The following SPTBN2 variants were observed in gnomAD, a reference collection of about 807,000 sequenced individuals.
The protein encoded by SPTBN2 is spectrin beta chain, non-erythrocytic 2.
A neutral mutation model predicts 284.2 loss-of-function variants in SPTBN2; 107 were observed. The observed-to-expected ratio is 0.38, with a 90% CI of 0.32 to 0.44. The LOEUF (loss-of-function observed/expected upper bound fraction) is 0.44, where lower values mean the gene tolerates loss of function less well. Ranked by LOEUF, SPTBN2 falls within the 20% of genes least tolerant of loss-of-function variation. The pLI, the probability that SPTBN2 is intolerant of heterozygous loss-of-function variation, is 1.00. For missense variants in SPTBN2, 2,569 were observed against 3,287.1 expected (o/e 0.78, Z 5.34); for synonymous variants, 1,289 against 1,354.8 (o/e 0.95, Z 1.07).
chr11:66,740,069 A>G (rs1263021216), intron 1 of SPTBN2, among the ~76,000 whole-genome samples: 1 of 152,168 alleles, frequency 6.6e-6, no homozygotes, highest in Non-Finnish European at 1.5e-5. Context: ...CCACTTTGTG[A>G]TGTAGATTTT....
chr11:66,710,002 G>A lies in SPTBN2; in HGVS notation c.1073+580C>T, dbSNP rs143225687. Among the ~76,000 whole-genome samples, 41 of 152,318 alleles carry A rather than the reference G, an allele frequency of 2.7e-4. No homozygotes were observed. The highest frequency in any genetic ancestry group is 9.9e-4 in the African/African-American group (41 of 41,576). On this transcript the variant is annotated intron_variant, in intron 10 of 37. Transcript: ENST00000533211. This position sits in a 1 kb window ranked among gnomAD's most constrained non-coding sequence, Gnocchi z 4.9. ...ACCTGATCAGTAATCTTATCTGATG[G>A]ATCGCACTGACTCAACACATCATAG...
intron 17 of SPTBN2, among the ~76,000 whole-genome samples, chr11:66,699,901 A>G (rs1201859680): frequency 1.3e-5 from 2 of 152,170 alleles, no homozygotes; most frequent in African/African-American, 4.8e-5. Context: ...TATTTCTTCT[A>G]AAGTCAGTTT....
chr11:66,722,103 C>T (rs754274600), intron 1 of SPTBN2, among the ~76,000 whole-genome samples: 5 of 152,166 alleles, frequency 3.3e-5, no homozygotes, highest in Non-Finnish European at 7.3e-5. Context: ...CAAAGGAGGA[C>T]ACAGTATGCT....
At chr11:66,709,476 C>A (rs1706070889) in intron 10 of SPTBN2, among the ~76,000 whole-genome samples, 1 of 152,224 alleles carries the variant, frequency 6.6e-6, no homozygotes, top group South Asian at 2.1e-4. Context: ...CGGTGCCCAG[C>A]CAAAATAATT....
At chr11:66,720,467 C>A (rs907932741) in intron 3 of SPTBN2, among the ~76,000 whole-genome samples, 1 of 152,174 alleles carries the variant, frequency 6.6e-6, no homozygotes, top group Non-Finnish European at 1.5e-5. Flanking sequence ...GACGAGTTTC[C>A]GCTCAGAGCG....
intron 1 of SPTBN2, among the ~76,000 whole-genome samples, chr11:66,727,336 G>A (rs1849489049): frequency 6.6e-6 from 1 of 152,224 alleles, no homozygotes; most frequent in African/African-American, 2.4e-5. Context: ...CGTTGGAACT[G>A]TGGCTGCTCC....
In SPTBN2 at chr11:66,687,910, C is replaced by T; in HGVS notation, c.6459G>A (p.Leu2153=). 2 of 1,614,178 alleles carry T rather than the reference C, an allele frequency of 1.2e-6. No individual in the cohort carries two copies. The highest frequency in any genetic ancestry group is 1.7e-6 in the Non-Finnish European group (2 of 1,180,036). Residue 2153 remains leucine (L), a synonymous_variant, in exon 34 of 38, where the codon CTG becomes CTA. Transcript: ENST00000533211. The surrounding 1 kb of genome is among the most constrained non-coding windows in gnomAD (Gnocchi z 5.2). Reference sequence around the variant, plus strand: ...TGCTGTGCTCAAGTCTCTGTTGTCCCAGCAGGGGCTGCAAGGACAAGAATC... The same window carrying T: ...TGCTGTGCTCAAGTCTCTGTTGTCCTAGCAGGGGCTGCAAGGACAAGAATC... ...CTDGEPSQPL[L]GQQRLEHSSF...
In SPTBN2 at chr11:66,718,939, C is replaced by T. The variant is rs777120694; in HGVS notation, c.157+2145G>A. Among the ~76,000 whole-genome samples, 10 of 152,200 alleles carry T rather than the reference C, an allele frequency of 6.6e-5. No individual in the cohort carries two copies. The highest frequency in any genetic ancestry group is 1.0e-4 in the Non-Finnish European group (7 of 68,024). ...GGCCCTGCGGGGCGGCGGAGGAGGG[C>T]ACTGCCAGCGCCTTCAAGACCCGCC... On this transcript the variant is annotated intron_variant, in intron 3 of 37. Transcript: ENST00000533211. The surrounding 1 kb of genome is among the most constrained non-coding windows in gnomAD (Gnocchi z 4.8).
rs747355437 is a variant in SPTBN2 at position 66,705,347 on chromosome 11, G to C, written c.1929C>G (p.Leu643=). 22 of 1,611,254 alleles carry C rather than the reference G, an allele frequency of 1.4e-5. No homozygotes were observed. In the Admixed American group the frequency reaches 3.3e-4, roughly 24 times the overall value. Reference sequence around the variant, plus strand: ...CACCCACCTCCCAGAGGAAACGCCAGAGCCGCCGTGATTCCTCCAGCCGGG... The same window carrying C: ...CACCCACCTCCCAGAGGAAACGCCACAGCCGCCGTGATTCCTCCAGCCGGG... ...RRARLEESRR[L]WRFLWEVGEA... Residue 643 remains leucine (L), a synonymous_variant, in exon 15 of 38, where the codon CTC becomes CTG. Transcript: ENST00000533211.
chr11:66,710,949 C>T lies in SPTBN2; in HGVS notation c.853G>A (p.Ala285Thr). Reference protein sequence around the residue: ...TYYHYFSKMKALAVEGKRIGK... With the variant: ...TYYHYFSKMKTLAVEGKRIGK... ...ATTCTCTTGCCTTCCACGGCCAGGG[C>T]CTTCATCTTGGAGAAGTAATGGTAG... The change falls in exon 9 of 38, where the codon GCC (alanine) becomes ACC (threonine). Residue 285 changes from alanine to threonine, a missense_variant. By Grantham distance (58) the Ala-to-Thr change is moderately conservative (BLOSUM62 0). Transcript: ENST00000533211. This position sits in a 1 kb window ranked among gnomAD's most constrained non-coding sequence, Gnocchi z 4.9. The T allele has an allele frequency of 6.2e-7, 1 of 1,614,240 alleles. No individual in the cohort carries two copies. The highest frequency in any genetic ancestry group is 2.2e-5 in the East Asian group (1 of 44,880).
At chr11:66,714,232 C>A in intron 6 of SPTBN2, 61 bp from the exon 7 acceptor site, 3 of 1,605,020 alleles carry the variant, frequency 1.9e-6, no homozygotes, top group South Asian at 1.1e-5. Context: ...GACTCCAGGG[C>A]AGTCACCAGC....
intron 1 of SPTBN2, chr11:66,728,070 A>AC (rs1047988507): frequency 1.1e-4 from 16 of 142,208 alleles, no homozygotes; most frequent in Middle Eastern, 7.6e-3. Flanking sequence ...CCCGACCCCG[A>AC]CCCCGACCCC....
chr11:66,714,044 T>C (rs781342960), intron 7 of SPTBN2, 47 bp downstream of exon 7: 5 of 1,597,574 alleles, frequency 3.1e-6, no homozygotes, highest in South Asian at 2.2e-5. Flanking sequence ...CCCAGGTCAT[T>C]AGCCGACCCA....
chr11:66,701,258 T>C lies in SPTBN2; in HGVS notation c.2841A>G (p.Ala947=). 6.2e-7 allele frequency: 1 copy of C among 1,612,798 alleles called. No homozygotes were observed. The highest frequency in any genetic ancestry group is 8.5e-7 in the Non-Finnish European group (1 of 1,180,030). ...NHRWQQFRRL[A]DGKKAALTSA... ...AGGTGAGAGCTGCCTTCTTGCCGTC[T>C]GCCAGACGCCGAAACTGCTGCCACC... Residue 947 remains alanine, a synonymous_variant, in exon 17 of 38, where the codon GCA becomes GCG. Transcript: ENST00000533211.
At chr11:66,701,756 G>A (rs371569310) in intron 15 of SPTBN2, 35 bp from the exon 16 acceptor site, 7 of 1,613,956 alleles carry the variant, frequency 4.3e-6, no homozygotes, top group Non-Finnish European at 5.9e-6. Flanking sequence ...TGAATTGTGG[G>A]AGGCAGCGAT....
At position 66,707,050 on chromosome 11, in the gene SPTBN2, C is replaced by T. The variant is rs1310156015; in HGVS notation, c.1653+466G>A. ...CCCAAATCTCAGTCCATGGCCCCCA[C>T]TCCTCATGCTCACAGCCCACCGGCC... is the stretch of plus-strand genomic sequence containing the variant. On this transcript the variant is annotated intron_variant, in intron 13 of 37. Coordinates refer to ENST00000533211, the MANE Select transcript of SPTBN2 (RefSeq NM_006946.4). The surrounding 1 kb of genome is among the most constrained non-coding windows in gnomAD (Gnocchi z 4.9). Among the ~76,000 whole-genome samples the T allele has an allele frequency of 6.6e-6, 1 of 152,260 alleles. No homozygotes were observed. Among genetic ancestry groups the T allele is most frequent in the African/African-American group, 2.4e-5 (1 of 41,472 alleles).
Position 66,690,019 on chromosome 11 carries a change from C to G in SPTBN2, c.5810+20G>C. ...CCCAGCCACACAACCCGTGGAGGCC[C>G]TGAGCCCTGGGATTCTCACCGGGGA... On this transcript the variant is annotated intron_variant, in intron 28 of 37. Transcript: ENST00000533211. 1.2e-6 allele frequency: 2 copies of G among 1,614,256 alleles called. No individual in the cohort carries two copies.
rs1408154739 is a variant in SPTBN2 at position 66,683,750 on chromosome 11, T to C, written c.*2121A>G. Among the ~76,000 whole-genome samples, 1 of 152,274 alleles carries C rather than the reference T, an allele frequency of 6.6e-6. No individual in the cohort carries two copies. The highest frequency in any genetic ancestry group is 1.5e-5 in the Non-Finnish European group (1 of 68,050). ...TCATTTCTCTATTAATTTCTCCATA[T>C]ACATTTCCTTCTGACATTTCCAATT... On this transcript the variant is annotated 3_prime_UTR_variant, in exon 38 of 38. Coordinates refer to ENST00000533211, the MANE Select transcript of SPTBN2 (RefSeq NM_006946.4).
In SPTBN2 at chr11:66,687,310, CT is replaced by C; in HGVS notation, c.6722+116del. On this transcript the variant is annotated intron_variant, in intron 35 of 37. Transcript: ENST00000533211. The surrounding 1 kb of genome is among the most constrained non-coding windows in gnomAD (Gnocchi z 5.2). ...TCTGGTCCTCCCCTGAGGCCCCGCTCTGGTCCCAAGTCCTACCCTTTGCCCA... is the reference window on the plus strand; with the variant it reads ...TCTGGTCCTCCCCTGAGGCCCCGCTCGGTCCCAAGTCCTACCCTTTGCCCA... 1.3e-6 allele frequency: 2 copies of C among 1,552,288 alleles called. No homozygotes were observed. Among genetic ancestry groups the C allele is most frequent in the Non-Finnish European group, 1.8e-6 (2 of 1,140,130 alleles).
Sources: gnomAD v4.1 joint callset for allele counts (sites outside exome capture counted in the v4.1 genomes callset) on GRCh38, gnomAD v4.1.1 for gene constraint, Gnocchi (gnomAD v3.1) non-coding constraint, MANE v1.5 for transcripts, NCBI Gene and HGNC (gene_info 2026-07-23, HGNC 2026-07-21) for gene names.